The following CACNA2D3 variants were observed in gnomAD, a reference collection of about 807,000 sequenced individuals.
The protein encoded by CACNA2D3 is calcium voltage-gated channel auxiliary subunit alpha2delta 3.
CACNA2D3 carries 60 observed loss-of-function variants against 160.6 expected under a neutral mutation model. The ratio of observed to expected loss-of-function variants is 0.37; its 90% CI spans 0.30 to 0.46. The LOEUF is 0.46. CACNA2D3 is among the 20% of genes least tolerant of loss of function. The probability of loss-of-function intolerance (pLI) is 1.00; values close to 1 mark genes in which losing one functional copy is unlikely to be tolerated. For synonymous variants in CACNA2D3, 558 were observed against 492.9 expected, an observed-to-expected ratio of 1.13 and a Z score of -1.75; for missense variants, 1,205 against 1,365.0, an observed-to-expected ratio of 0.88 and a Z score of 1.85.
chr3:54,900,231 T>A (rs1355555866), intron 27 of CACNA2D3, among the ~76,000 whole-genome samples: 1 of 152,152 alleles, frequency 6.6e-6, no homozygotes, highest in Non-Finnish European at 1.5e-5. Flanking sequence ...ACAAGGAAAT[T>A]GCAGGTTTGT....
At chr3:54,194,057 T>C (rs2107340709) in intron 2 of CACNA2D3, among the ~76,000 whole-genome samples, 1 of 151,560 alleles carries the variant, frequency 6.6e-6, no homozygotes, top group South Asian at 2.1e-4. Context: ...GAATGGTAGA[T>C]ACGAGGGGGC....
chr3:54,329,191 A>G (rs1477938313), intron 3 of CACNA2D3, among the ~76,000 whole-genome samples: 1 of 152,010 alleles, frequency 6.6e-6, no homozygotes, highest in African/African-American at 2.4e-5. Flanking sequence ...TTATTTTCAT[A>G]CATTGCCTGG....
intron 6 of CACNA2D3, among the ~76,000 whole-genome samples, chr3:54,564,886 G>A (rs1401873806): frequency 3.3e-5 from 5 of 152,180 alleles, no homozygotes; most frequent in Non-Finnish European, 4.4e-5. Context: ...TCTAGGGAGT[G>A]TGCCATTTGG....
At chr3:54,551,232 C>T (rs1429783775) in intron 5 of CACNA2D3, among the ~76,000 whole-genome samples, 1 of 152,198 alleles carries the variant, frequency 6.6e-6, no homozygotes, top group East Asian at 1.9e-4. Context: ...CCTCTGCGTT[C>T]TGCAGATTCC....
chr3:54,671,684 C>T (rs1700165336), intron 11 of CACNA2D3, among the ~76,000 whole-genome samples: 1 of 152,140 alleles, frequency 6.6e-6, no homozygotes, highest in Non-Finnish European at 1.5e-5. Context: ...TTTGGGCTCT[C>T]TCCCAGCAGA....
intron 14 of CACNA2D3, 142 bp from the exon 15 acceptor site, chr3:54,837,017 C>T (rs541199033): frequency 7.2e-5 from 50 of 694,622 alleles, no homozygotes; most frequent in East Asian, 6.7e-4. Context: ...CATTGTGCTC[C>T]GCGCTCCACT....
intron 3 of CACNA2D3, among the ~76,000 whole-genome samples, chr3:54,329,513 G>A (rs1325880874): frequency 1.3e-5 from 2 of 152,190 alleles, no homozygotes; most frequent in Admixed American, 6.5e-5. Context: ...TCGGCTCCAA[G>A]CGAATGAACC....
chr3:54,711,725 G>A (rs928487758), intron 11 of CACNA2D3, among the ~76,000 whole-genome samples: 1 of 152,300 alleles, frequency 6.6e-6, no homozygotes, highest in Non-Finnish European at 1.5e-5. Context: ...GGGACTCTGG[G>A]AAAAAGGAGA....
At chr3:54,158,393 G>A (rs952566150) in intron 2 of CACNA2D3, among the ~76,000 whole-genome samples, 1 of 152,052 alleles carries the variant, frequency 6.6e-6, no homozygotes, top group Non-Finnish European at 1.5e-5. Flanking sequence ...GCCACTTGTG[G>A]GGAAAAAAGG....
chr3:54,563,952 T>C (rs1173583829), intron 6 of CACNA2D3, among the ~76,000 whole-genome samples: 1 of 152,202 alleles, frequency 6.6e-6, no homozygotes, highest in Admixed American at 6.5e-5. Context: ...GCACACGTGC[T>C]TCCTCCCGGA....
chr3:54,260,938 G>T (rs1702390909), intron 2 of CACNA2D3, among the ~76,000 whole-genome samples: 3 of 152,140 alleles, frequency 2.0e-5, no homozygotes, highest in South Asian at 4.1e-4. Context: ...ATTTCCTCCA[G>T]TTCAGCTTGT....
intron 11 of CACNA2D3, among the ~76,000 whole-genome samples, chr3:54,698,135 A>AT (rs1700698144): frequency 7.1e-6 from 1 of 140,362 alleles, no homozygotes; most frequent in African/African-American, 2.7e-5. Context: ...CCTGGCGACA[A>AT]TTGACTACTA....
At chr3:54,543,370 G>A (rs1702011984) in intron 5 of CACNA2D3, among the ~76,000 whole-genome samples, 1 of 152,168 alleles carries the variant, frequency 6.6e-6, no homozygotes, top group African/African-American at 2.4e-5. Flanking sequence ...ATTGCATAGG[G>A]TGACTTTAAT....
chr3:54,394,318 A>ATTTTTTT (rs34291779), intron 4 of CACNA2D3, among the ~76,000 whole-genome samples: 10,211 of 138,886 alleles, frequency 0.074, 420 homozygotes, highest in East Asian at 0.13. Flanking sequence ...GAGAGTGAAC[A>ATTTTTTT]TTTTTTTTTT....
chr3:54,949,403 T>C (rs1414067405), intron 27 of CACNA2D3, among the ~76,000 whole-genome samples: 1 of 152,194 alleles, frequency 6.6e-6, no homozygotes, highest in Non-Finnish European at 1.5e-5. Context: ...CTGTCTATTA[T>C]TCCAGCTCAG....
chr3:54,123,548 T>C lies in CACNA2D3; in HGVS notation c.158T>C (p.Ile53Thr), dbSNP rs756190416. ...KLWASAFGGE[I>T]KSIAAKYSGS... ...TGGGCCTCGGCTTTTGGTGGGGAGA[T>C]AAAATCCATTGCTGCTAAGTACTCC... The change falls in exon 2 of 38, where the codon ATA becomes ACA. Residue 53 changes from isoleucine to threonine, a missense_variant. By Grantham distance (89) the Ile-to-Thr change is moderately conservative (BLOSUM62 -1). Around this residue, in one of 3 missense-constraint regions of CACNA2D3, gnomAD observed 163 missense variants for 161.3 expected, o/e 1.01. Transcript: ENST00000474759. The C allele has an allele frequency of 5.6e-6, 9 of 1,613,842 alleles. No individual in the cohort carries two copies. Among genetic ancestry groups the C allele is most frequent in the Non-Finnish European group, 7.6e-6 (9 of 1,179,858 alleles).
At chr3:54,234,875 G>A (rs985235719) in intron 2 of CACNA2D3, among the ~76,000 whole-genome samples, 4 of 152,248 alleles carry the variant, frequency 2.6e-5, no homozygotes, top group Admixed American at 1.3e-4. Context: ...GAGGGTGAGA[G>A]GAGGAAGAGG....
chr3:55,010,442 G>T (rs1559462740), intron 34 of CACNA2D3, among the ~76,000 whole-genome samples: 4 of 152,170 alleles, frequency 2.6e-5, no homozygotes, highest in Admixed American at 6.6e-5. Context: ...TTATAATGGT[G>T]GTGACACTGT....
intron 2 of CACNA2D3, among the ~76,000 whole-genome samples, chr3:54,142,212 T>C (rs1163265659): frequency 1.3e-5 from 2 of 152,210 alleles, no homozygotes; most frequent in African/African-American, 2.4e-5. Context: ...TGCTCCTCCT[T>C]GTGTGAGTTC....
Sources: allele counts gnomAD v4.1 joint callset (sites outside exome capture counted in the v4.1 genomes callset), GRCh38; gene constraint gnomAD v4.1.1; regional missense constraint gnomAD v4.1.1; transcripts MANE v1.5; gene names NCBI Gene and HGNC (gene_info 2026-07-23, HGNC 2026-07-21).